GAREM1: variants seen among roughly 807,000 people sequenced by gnomAD.
GAREM1 encodes the protein GRB2 associated regulator of MAPK1 subtype 1.
GAREM1 carries 26 observed loss-of-function variants against 71.3 expected under a neutral mutation model. The ratio of observed to expected loss-of-function variants is 0.36; its 90% CI spans 0.27 to 0.51. The LOEUF (loss-of-function observed/expected upper bound fraction) is 0.51. Among genes scored for constraint, GAREM1 ranks in the 20% least tolerant of loss-of-function variants. GAREM1 has a pLI of 0.95. For missense variants in GAREM1, 1,026 were observed against 1,103.1 expected (o/e 0.93, Z 0.99); for synonymous variants, 440 against 433.2 (o/e 1.02, Z -0.20).
intron 3 of GAREM1, among the ~76,000 whole-genome samples, chr18:32,304,424 T>A (rs1351900330): frequency 6.6e-6 from 1 of 152,242 alleles, no homozygotes; most frequent in African/African-American, 2.4e-5. Context: ...TATGATTCTA[T>A]GTTCTGAACC....
At chr18:32,301,740 T>C (rs1369053806) in intron 3 of GAREM1, among the ~76,000 whole-genome samples, 1 of 152,236 alleles carries the variant, frequency 6.6e-6, no homozygotes, top group Non-Finnish European at 1.5e-5. Context: ...AGGAATTGCA[T>C]CTTCATTTTA....
At chr18:32,269,486 AAAC>A (rs2041426291) in intron 5 of GAREM1, among the ~76,000 whole-genome samples, 2 of 152,138 alleles carry the variant, frequency 1.3e-5, no homozygotes, top group Admixed American at 1.3e-4. Context: ...GATGTCGGGG[AAAC>A]AGTAGAGGGA....
At chr18:32,303,151 T>C (rs995017026) in intron 3 of GAREM1, among the ~76,000 whole-genome samples, 8 of 152,374 alleles carry the variant, frequency 5.3e-5, no homozygotes, top group African/African-American at 1.9e-4. Flanking sequence ...TGAGGAAATC[T>C]ATGCTGGAAC....
At chr18:32,419,551 T>C (rs1345061032) in intron 1 of GAREM1, among the ~76,000 whole-genome samples, 1 of 152,202 alleles carries the variant, frequency 6.6e-6, no homozygotes, top group Non-Finnish European at 1.5e-5. Flanking sequence ...ACTGTGATCC[T>C]GGAATGCCAG....
chr18:32,432,248 T>C (rs1437590334), intron 1 of GAREM1, among the ~76,000 whole-genome samples: 1 of 152,120 alleles, frequency 6.6e-6, no homozygotes, highest in Non-Finnish European at 1.5e-5. Flanking sequence ...TTTAGTGTCT[T>C]ATGGGATACT....
intron 1 of GAREM1, among the ~76,000 whole-genome samples, chr18:32,396,470 T>C (rs573528393): frequency 2.0e-5 from 3 of 152,172 alleles, no homozygotes; most frequent in Non-Finnish European, 4.4e-5. Context: ...AATGACCTAA[T>C]GGAGCTGAAA....
intron 4 of GAREM1, among the ~76,000 whole-genome samples, chr18:32,271,424 A>T (rs1308431189): frequency 1.3e-5 from 2 of 152,066 alleles, no homozygotes; most frequent in Non-Finnish European, 2.9e-5. Flanking sequence ...AACTCCTTGC[A>T]TCTACTTGCC....
chr18:32,414,619 C>T (rs560340347), intron 1 of GAREM1, among the ~76,000 whole-genome samples: 196 of 151,834 alleles, frequency 1.3e-3, no homozygotes, highest in African/African-American at 4.6e-3. Flanking sequence ...CCTGAGTGAC[C>T]AATGGGTCAA....
intron 2 of GAREM1, among the ~76,000 whole-genome samples, chr18:32,382,843 C>A (rs191812746): frequency 6.6e-6 from 1 of 151,802 alleles, no homozygotes; most frequent in East Asian, 1.9e-4. Context: ...GAGGAAAGGA[C>A]CCTAGGTGGA....
intron 3 of GAREM1, among the ~76,000 whole-genome samples, chr18:32,298,377 T>G (rs1328591792): frequency 2.0e-5 from 3 of 152,194 alleles, no homozygotes; most frequent in Non-Finnish European, 4.4e-5. Context: ...TTTCTACAGA[T>G]GTAATTTATT....
chr18:32,311,501 T>C (rs1412557199), intron 2 of GAREM1, among the ~76,000 whole-genome samples: 1 of 152,090 alleles, frequency 6.6e-6, no homozygotes, highest in African/African-American at 2.4e-5. Flanking sequence ...TATACCATGG[T>C]AGAAGGTGAG....
At chr18:32,322,138 A>C (rs1330721216) in intron 2 of GAREM1, among the ~76,000 whole-genome samples, 2 of 152,190 alleles carry the variant, frequency 1.3e-5, no homozygotes, top group Non-Finnish European at 2.9e-5. Context: ...CAGAGAAAAA[A>C]GACCTTGACC....
chr18:32,448,051 A>C (rs557712238), intron 1 of GAREM1, among the ~76,000 whole-genome samples: 3 of 152,292 alleles, frequency 2.0e-5, no homozygotes, highest in Non-Finnish European at 4.4e-5. Context: ...GGACATAGAT[A>C]ATAAAGAATT....
rs2041337930 is a variant in GAREM1 at position 32,263,853 on chromosome 18, TAAG to T, written c.*4015_*4017del. 1.3e-5 allele frequency: 2 copies of T among 152,214 alleles called. No individual in the cohort carries two copies. The highest frequency in any genetic ancestry group is 2.9e-5 in the Non-Finnish European group (2 of 68,030). The allele number at this position is 152,214 out of a possible 1,614,324, so 9.4% of individuals were successfully genotyped here. ...GAGAGTGGGAGAAAAGGTTTATAGC[TAAG>T]AAATTATCTGAGCCCTACTACATGA... On this transcript the variant is annotated 3_prime_UTR_variant, in exon 6 of 6. Transcript: ENST00000269209.
intron 2 of GAREM1, among the ~76,000 whole-genome samples, chr18:32,328,663 C>A (rs2047496167): frequency 6.6e-6 from 1 of 152,114 alleles, no homozygotes; most frequent in African/African-American, 2.4e-5. Context: ...GATATCACCA[C>A]AAGCCAACTG....
chr18:32,420,376 A>G (rs906364001), intron 1 of GAREM1, among the ~76,000 whole-genome samples: 1 of 151,240 alleles, frequency 6.6e-6, no homozygotes, highest in South Asian at 2.1e-4. Context: ...AAAAAAAAAA[A>G]CCCTGCTGGC....
At chr18:32,365,591 A>G (rs553598652) in intron 2 of GAREM1, among the ~76,000 whole-genome samples, 1 of 152,152 alleles carries the variant, frequency 6.6e-6, no homozygotes, top group South Asian at 2.1e-4. Flanking sequence ...CCAAAACTCC[A>G]TGGATGGTGA....
At chr18:32,336,330 T>C (rs988594846) in intron 2 of GAREM1, among the ~76,000 whole-genome samples, 34 of 149,860 alleles carry the variant, frequency 2.3e-4, no homozygotes, top group African/African-American at 8.4e-4. Context: ...CTCGGGATGC[T>C]GAGGCAGGAG....
intron 2 of GAREM1, among the ~76,000 whole-genome samples, chr18:32,352,371 C>T (rs2144594160): frequency 6.6e-6 from 1 of 152,290 alleles, no homozygotes; most frequent in Admixed American, 6.5e-5. Flanking sequence ...GAGCATCCTG[C>T]CTCGCTGGCC....
Sources: allele counts gnomAD v4.1 joint callset (sites outside exome capture counted in the v4.1 genomes callset), GRCh38; gene constraint gnomAD v4.1.1; transcripts MANE v1.5; gene names NCBI Gene and HGNC (gene_info 2026-07-23, HGNC 2026-07-21).